NTNG1: variants seen among roughly 807,000 people sequenced by gnomAD.
NTNG1 encodes the protein netrin-G1.
NTNG1 carries 16 observed loss-of-function variants against 54.0 expected under a neutral mutation model. The ratio of observed to expected loss-of-function variants is 0.30; its 90% CI spans 0.20 to 0.45. The LOEUF (loss-of-function observed/expected upper bound fraction) is 0.45. NTNG1 is among the 20% of genes least tolerant of loss of function. The pLI is 1.00. For synonymous variants in NTNG1, 255 were observed against 263.1 expected (o/e 0.97, Z 0.30); for missense variants, 530 against 678.7 (o/e 0.78, Z 2.43).
chr1:107,424,084 A>T (rs1192703889), intron 5 of NTNG1, among the ~76,000 whole-genome samples: 1 of 152,148 alleles, frequency 6.6e-6, no homozygotes, highest in Admixed American at 6.6e-5. Context: ...TTTTGCATAT[A>T]CTTTTTGAAT....
At chr1:107,268,652 C>T (rs1282548444) in intron 2 of NTNG1, among the ~76,000 whole-genome samples, 1 of 152,104 alleles carries the variant, frequency 6.6e-6, no homozygotes, top group East Asian at 1.9e-4. Context: ...TCTCAGACCT[C>T]ACTACTGAAC....
chr1:107,146,340 T>C (rs1272890130), intron 1 of NTNG1, among the ~76,000 whole-genome samples: 8 of 152,082 alleles, frequency 5.3e-5, no homozygotes, highest in Non-Finnish European at 1.0e-4. Flanking sequence ...TTTCCTCTTA[T>C]AAAAACTAGT....
At chr1:107,249,224 AC>A (rs1662417680) in intron 2 of NTNG1, among the ~76,000 whole-genome samples, 1 of 151,290 alleles carries the variant, frequency 6.6e-6, no homozygotes, top group Admixed American at 6.6e-5. Context: ...GGTGGCTCAC[AC>A]CTGTAATCCC....
intron 7 of NTNG1, among the ~76,000 whole-genome samples, chr1:107,476,933 C>A (rs1269832327): frequency 2.6e-5 from 4 of 152,178 alleles, no homozygotes; most frequent in Non-Finnish European, 5.9e-5. Flanking sequence ...AAACTGAAAC[C>A]ATTTCTAGGT....
intron 2 of NTNG1, among the ~76,000 whole-genome samples, chr1:107,286,669 A>G (rs759791909): frequency 1.3e-5 from 2 of 152,186 alleles, no homozygotes; most frequent in Non-Finnish European, 2.9e-5. Context: ...CTCTTTTGCA[A>G]TTCACAAAGT....
At chr1:107,303,045 C>G (rs780501955) in intron 2 of NTNG1, among the ~76,000 whole-genome samples, 6 of 152,168 alleles carry the variant, frequency 3.9e-5, no homozygotes, top group Non-Finnish European at 7.3e-5. Context: ...TAAAACAATA[C>G]TGATCCTGCA....
chr1:107,296,570 T>C (rs929856978), intron 2 of NTNG1, among the ~76,000 whole-genome samples: 8 of 149,048 alleles, frequency 5.4e-5, no homozygotes, highest in African/African-American at 1.2e-4. Flanking sequence ...AAATATATAC[T>C]ACACATAATT....
intron 2 of NTNG1, among the ~76,000 whole-genome samples, chr1:107,166,910 C>T (rs1655838725): frequency 6.6e-6 from 1 of 151,976 alleles, no homozygotes; most frequent in Non-Finnish European, 1.5e-5. Context: ...CATTAAGTAC[C>T]ATGGGTTTAA....
At chr1:107,361,393 T>TA (rs10637251) in intron 3 of NTNG1, among the ~76,000 whole-genome samples, 924 of 26,768 alleles carry the variant, frequency 0.035, 8 homozygotes, top group African/African-American at 0.07. Flanking sequence ...ATATATATAT[T>TA]TTTTTTTTTT....
intron 2 of NTNG1, among the ~76,000 whole-genome samples, chr1:107,166,879 TA>T (rs1231200951): frequency 6.6e-6 from 1 of 152,038 alleles, no homozygotes; most frequent in East Asian, 1.9e-4. Context: ...GATGGGGAAA[TA>T]TCAAAGTCAC....
chr1:107,178,628 T>A (rs368215191), intron 2 of NTNG1, among the ~76,000 whole-genome samples: 1 of 152,158 alleles, frequency 6.6e-6, no homozygotes, highest in Non-Finnish European at 1.5e-5. Flanking sequence ...GATGAAAAAT[T>A]TTTCTATTTT....
At chr1:107,181,064 C>G (rs1657022854) in intron 2 of NTNG1, among the ~76,000 whole-genome samples, 1 of 152,164 alleles carries the variant, frequency 6.6e-6, no homozygotes. Context: ...ATGCCGAACT[C>G]TTTTCTAAAT....
chr1:107,452,051 C>A (rs1676657901), intron 7 of NTNG1, among the ~76,000 whole-genome samples: 1 of 152,144 alleles, frequency 6.6e-6, no homozygotes, highest in African/African-American at 2.4e-5. Flanking sequence ...TATATAACTT[C>A]TCTGACCTAA....
At chr1:107,219,835 G>C (rs574044924) in intron 2 of NTNG1, among the ~76,000 whole-genome samples, 59 of 152,276 alleles carry the variant, frequency 3.9e-4, no homozygotes, top group African/African-American at 1.3e-3. Context: ...GTCCTTGGTA[G>C]CATTTTTGTT....
intron 2 of NTNG1, among the ~76,000 whole-genome samples, chr1:107,221,871 A>T (rs1321740216): frequency 1.3e-5 from 2 of 152,208 alleles, no homozygotes; most frequent in Non-Finnish European, 2.9e-5. Context: ...TGAAGCTCCT[A>T]GAGGCAGAGA....
chr1:107,456,837 C>T (rs998640990), intron 7 of NTNG1, among the ~76,000 whole-genome samples: 8 of 152,178 alleles, frequency 5.3e-5, no homozygotes, highest in African/African-American at 1.9e-4. Context: ...ACCATTATTA[C>T]CAGATACTCT....
chr1:107,156,112 C>T (rs1057200409), intron 2 of NTNG1, among the ~76,000 whole-genome samples: 1 of 152,148 alleles, frequency 6.6e-6, no homozygotes, highest in African/African-American at 2.4e-5. Flanking sequence ...GTATCCCTGT[C>T]GTAAAGTGAC....
At chr1:107,286,572 G>T (rs149202074) in intron 2 of NTNG1, among the ~76,000 whole-genome samples, 10 of 152,184 alleles carry the variant, frequency 6.6e-5, no homozygotes, top group Admixed American at 6.5e-4. Flanking sequence ...GGCATTATAT[G>T]AATATTTGTT....
intron 5 of NTNG1, among the ~76,000 whole-genome samples, chr1:107,414,926 T>C (rs1674099588): frequency 6.6e-6 from 1 of 152,136 alleles, no homozygotes; most frequent in Non-Finnish European, 1.5e-5. Context: ...CTTAAATAAA[T>C]TTATCCTAAA....
Sources: allele counts gnomAD v4.1 joint callset (sites outside exome capture counted in the v4.1 genomes callset), GRCh38; gene constraint gnomAD v4.1.1; transcripts MANE v1.5; gene names NCBI Gene and HGNC (gene_info 2026-07-23, HGNC 2026-07-21).